ANKDD1B: variants seen among roughly 807,000 people sequenced by gnomAD.
ANKDD1B encodes the protein ankyrin repeat and death domain containing 1B, also known as ankyrin repeat and death domain-containing protein 1B.
ANKDD1B carries 57 observed loss-of-function variants against 59.7 expected under a neutral mutation model. That is an observed-to-expected ratio of 0.95 (90% CI 0.77 to 1.19). The LOEUF (loss-of-function observed/expected upper bound fraction) is 1.19, where lower values mean the gene tolerates loss of function less well. Among genes scored for constraint, ANKDD1B ranks in the 50% most tolerant of loss-of-function variants. The probability of loss-of-function intolerance (pLI) is 0.00; values close to 1 mark genes in which losing one functional copy is unlikely to be tolerated. For synonymous variants in ANKDD1B, 216 were observed against 239.5 expected (o/e 0.90, Z 0.91); for missense variants, 602 against 641.9 (o/e 0.94, Z 0.67).
chr5:75,664,215 T>C (rs920847818), intron 11 of ANKDD1B, among the ~76,000 whole-genome samples: 2 of 152,222 alleles, frequency 1.3e-5, no homozygotes, highest in South Asian at 2.1e-4. Context: ...ACCCTGAGTT[T>C]CTACAAACCT....
intron 5 of ANKDD1B, among the ~76,000 whole-genome samples, chr5:75,633,995 C>G (rs1362091848): frequency 6.6e-6 from 1 of 152,218 alleles, no homozygotes; most frequent in Non-Finnish European, 1.5e-5. Context: ...CTTTCTCTGT[C>G]ATGTTATGAC....
At chr5:75,620,468 C>G in intron 3 of ANKDD1B, 55 bp downstream of exon 3, 1 of 935,812 alleles carries the variant, frequency 1.1e-6, no homozygotes, top group East Asian at 2.6e-5. Context: ...CAGGGAGAAT[C>G]TGATCATTCC....
chr5:75,616,417 T>A (rs1227308000), intron 1 of ANKDD1B, among the ~76,000 whole-genome samples: 1 of 152,182 alleles, frequency 6.6e-6, no homozygotes, highest in East Asian at 1.9e-4. Context: ...CAGTTTTATC[T>A]CTGTAAGCTG....
chr5:75,650,135 C>G (rs537531504), intron 7 of ANKDD1B, among the ~76,000 whole-genome samples: 2 of 152,288 alleles, frequency 1.3e-5, no homozygotes, highest in African/African-American at 4.8e-5. Flanking sequence ...ATGTTCACAT[C>G]GCAATTCCCG....
At chr5:75,661,956 G>A (rs116836056) in intron 10 of ANKDD1B, among the ~76,000 whole-genome samples, 2,684 of 120,322 alleles carry the variant, frequency 0.022, 93 homozygotes, top group African/African-American at 0.08. Context: ...GACCATGTTA[G>A]GGTCTGGTTA....
At position 75,663,492 on chromosome 5, in the gene ANKDD1B, A is replaced by G; in HGVS notation, c.1191+3A>G. 1 of 1,535,548 alleles carries G rather than the reference A, an allele frequency of 6.5e-7. No homozygotes were observed. The highest frequency in any genetic ancestry group is 8.7e-7 in the Non-Finnish European group (1 of 1,146,340). On this transcript the variant is annotated splice_donor_region_variant and intron_variant, in intron 11 of 13. Coordinates refer to ENST00000601380, the MANE Select transcript of ANKDD1B (RefSeq NM_001276713.2). Reference sequence around the variant, plus strand: ...AGAGATACTACGCCTGGAGAGAGGTAAGGAAGGACGATCCCAGCACAGCAG... The same window carrying G: ...AGAGATACTACGCCTGGAGAGAGGTGAGGAAGGACGATCCCAGCACAGCAG...
intron 10 of ANKDD1B, among the ~76,000 whole-genome samples, chr5:75,662,962 C>T (rs1775198855): frequency 6.6e-6 from 1 of 152,116 alleles, no homozygotes; most frequent in African/African-American, 2.4e-5. Context: ...CAAAACATGG[C>T]TTCTACTTCC....
Position 75,620,327 on chromosome 5 carries a change from G to T in ANKDD1B, c.310G>T (p.Ala104Ser), listed in dbSNP as rs1216349981. Residue 104 changes from alanine to serine, a missense_variant, in exon 3 of 14, where the codon GCC becomes TCC. Around this residue, in one of 3 missense-constraint regions of ANKDD1B, gnomAD observed 317 missense variants for 304.6 expected, o/e 1.04. Coordinates refer to ENST00000601380, the MANE Select transcript of ANKDD1B (RefSeq NM_001276713.2). ...TATGCTTCCTCAGATGAACCGCACAGCCCTGCATTTTGCAGTGGGGAGAAA... is the reference window on the plus strand; with the variant it reads ...TATGCTTCCTCAGATGAACCGCACATCCCTGCATTTTGCAGTGGGGAGAAA... The part of the protein sequence containing the change: ...INVVNNMNRT[A>S]LHFAVGRNHL... 2 of 1,526,982 alleles carry T rather than the reference G, an allele frequency of 1.3e-6. No individual in the cohort carries two copies. The highest frequency in any genetic ancestry group is 1.2e-5 in the South Asian group (1 of 83,760). 94.6% of individuals were successfully genotyped at this position (1,526,982 alleles called of 1,614,324 possible).
At chr5:75,641,934 T>C (rs1378255441) in intron 7 of ANKDD1B, among the ~76,000 whole-genome samples, 1 of 152,184 alleles carries the variant, frequency 6.6e-6, no homozygotes, top group Non-Finnish European at 1.5e-5. Flanking sequence ...ATACAACATA[T>C]ACGTGGAATG....
chr5:75,642,118 A>G (rs1050687587), intron 7 of ANKDD1B, among the ~76,000 whole-genome samples: 14 of 152,242 alleles, frequency 9.2e-5, no homozygotes, highest in African/African-American at 3.4e-4. Context: ...TTGGATTTAT[A>G]TATACATGCA....
intron 8 of ANKDD1B, among the ~76,000 whole-genome samples, chr5:75,654,825 C>T (rs369841048): frequency 5.3e-4 from 80 of 152,286 alleles, no homozygotes; most frequent in South Asian, 2.1e-3. Flanking sequence ...CACTCACCCT[C>T]GTAGGCGCCT....
chr5:75,632,572 A>C (rs1176329220), intron 5 of ANKDD1B, among the ~76,000 whole-genome samples: 1 of 152,224 alleles, frequency 6.6e-6, no homozygotes, highest in Non-Finnish European at 1.5e-5. Context: ...GCAGGAGCCT[A>C]TAATTAACAG....
At position 75,636,290 on chromosome 5, in the gene ANKDD1B, G is replaced by A. The variant is rs113274360; in HGVS notation, c.798+408G>A. ...ACAGAAGAGGTGATATATTATCTGG[G>A]TCTTGACATTGTAATGAACGTTGGC... On this transcript the variant is annotated intron_variant, in intron 7 of 13. Coordinates refer to ENST00000601380, the MANE Select transcript of ANKDD1B (RefSeq NM_001276713.2). Among the ~76,000 whole-genome samples the A allele has an allele frequency of 3.1e-3, 477 of 152,288 alleles. 4 individuals carry two copies. Among genetic ancestry groups the A allele is most frequent in the Non-Finnish European group, 2.3e-3 (159 of 68,028 alleles).
chr5:75,616,101 T>C (rs1773709736), intron 1 of ANKDD1B, among the ~76,000 whole-genome samples: 1 of 152,160 alleles, frequency 6.6e-6, no homozygotes, highest in Non-Finnish European at 1.5e-5. Context: ...GACTCCTACT[T>C]AACCTCAATT....
intron 7 of ANKDD1B, among the ~76,000 whole-genome samples, chr5:75,641,748 A>T (rs1303049982): frequency 6.6e-6 from 1 of 152,252 alleles, no homozygotes; most frequent in Non-Finnish European, 1.5e-5. Flanking sequence ...GGCATGTTTG[A>T]TACCCTGTAT....
chr5:75,616,718 G>A, intron 1 of ANKDD1B, 86 bp from the exon 2 acceptor site: 1 of 548,608 alleles, frequency 1.8e-6, no homozygotes, highest in Non-Finnish European at 3.2e-6. Context: ...ACTCAAAGCT[G>A]TTGTTACAAG....
chr5:75,650,602 A>G (rs1055636102), intron 7 of ANKDD1B, among the ~76,000 whole-genome samples: 1 of 152,156 alleles, frequency 6.6e-6, no homozygotes, highest in African/African-American at 2.4e-5. Flanking sequence ...TATAGGGGCC[A>G]TTTTTACAGG....
chr5:75,667,943 GA>G (rs1330589872), intron 12 of ANKDD1B, among the ~76,000 whole-genome samples: 1 of 152,092 alleles, frequency 6.6e-6, no homozygotes, highest in Non-Finnish European at 1.5e-5. Context: ...ATTTTCATGT[GA>G]AAAATAGAAG....
intron 7 of ANKDD1B, among the ~76,000 whole-genome samples, chr5:75,647,405 GAAAA>G (rs1404556220): frequency 7.9e-6 from 1 of 126,428 alleles, no homozygotes; most frequent in Admixed American, 7.3e-5. Flanking sequence ...AAATTTACAA[GAAAA>G]AAACAAACAA....
Sources: allele counts gnomAD v4.1 joint callset (sites outside exome capture counted in the v4.1 genomes callset), GRCh38; gene constraint gnomAD v4.1.1; regional missense constraint gnomAD v4.1.1; transcripts MANE v1.5; gene names NCBI Gene and HGNC (gene_info 2026-07-23, HGNC 2026-07-21).